Variants in ARHGAP28 observed in about 807,000 individuals in gnomAD.
The protein encoded by ARHGAP28 is rho GTPase-activating protein 28.
In ARHGAP28, 56 loss-of-function variants were observed where a neutral mutation model predicts 90.7. The observed-to-expected ratio is 0.62, with a 90% confidence interval of 0.50 to 0.77. The LOEUF is 0.77. ARHGAP28 is among the 30% of genes least tolerant of loss of function. ARHGAP28 has a pLI of 0.00. For synonymous variants in ARHGAP28, 308 were observed against 323.3 expected, an observed-to-expected ratio of 0.95 and a Z score of 0.51; for missense variants, 869 against 900.9, an observed-to-expected ratio of 0.96 and a Z score of 0.45.
chr18:6,887,493 C>T (rs570325195), intron 12 of ARHGAP28, among the ~76,000 whole-genome samples: 3 of 150,232 alleles, frequency 2.0e-5, no homozygotes, highest in South Asian at 2.1e-4. Context: ...TGCAGTGGCA[C>T]GATCACAACT....
chr18:6,820,217 A>G (rs914192209), intron 1 of ARHGAP28, among the ~76,000 whole-genome samples: 3 of 152,234 alleles, frequency 2.0e-5, no homozygotes, highest in African/African-American at 7.2e-5. Flanking sequence ...GTCAACAGAG[A>G]AACTGAATCT....
In ARHGAP28 at chr18:6,873,562, G is replaced by A; in HGVS notation, c.1108G>A (p.Val370Ile). 1 of 1,613,450 alleles carries A rather than the reference G, an allele frequency of 6.2e-7. No individual in the cohort carries two copies. Among genetic ancestry groups the A allele is most frequent in the South Asian group, 1.1e-5 (1 of 90,776 alleles). ...ACTGAAAAGGAACAAAACAGAGAAAGTAAAAGGACGAGGTAACTAAGAAGA... is the reference window on the plus strand; with the variant it reads ...ACTGAAAAGGAACAAAACAGAGAAAATAAAAGGACGAGGTAACTAAGAAGA... ...IQLKRNKTEK[V>I]KGRDNGIFGV... The change falls in exon 8 of 18, where the codon GTA (valine) becomes ATA (isoleucine). Residue 370 changes from valine (V) to isoleucine (I), a missense_variant. Val to Ile is a conservative substitution (Grantham distance 29). Coordinates refer to ENST00000383472, the MANE Select transcript of ARHGAP28 (RefSeq NM_001366230.1).
chr18:6,890,339 A>G (rs914810801), intron 13 of ARHGAP28, 91 bp from the exon 14 acceptor site: 53 of 835,018 alleles, frequency 6.3e-5, no homozygotes, highest in Non-Finnish European at 9.7e-5. Flanking sequence ...ATACCGAGTG[A>G]CTGGGAGGAG....
chr18:6,877,128 AT>A (rs1159812815), intron 10 of ARHGAP28, among the ~76,000 whole-genome samples: 3 of 152,242 alleles, frequency 2.0e-5, no homozygotes, highest in Non-Finnish European at 4.4e-5. Flanking sequence ...TCATTAATTC[AT>A]TTTGGTACAT....
At chr18:6,900,713 C>T (rs891134139) in intron 16 of ARHGAP28, among the ~76,000 whole-genome samples, 1 of 151,796 alleles carries the variant, frequency 6.6e-6, no homozygotes, top group Non-Finnish European at 1.5e-5. Context: ...CAATCAGCGT[C>T]CCAAAAGGAA....
chr18:6,740,833 A>C (rs1355539937), intron 1 of ARHGAP28, among the ~76,000 whole-genome samples: 1 of 152,310 alleles, frequency 6.6e-6, no homozygotes, highest in South Asian at 2.1e-4. Flanking sequence ...AAGTATGGAA[A>C]AGTGTCTTGC....
chr18:6,855,469 CCAGGG>C (rs1454005808), intron 4 of ARHGAP28, among the ~76,000 whole-genome samples: 2 of 152,198 alleles, frequency 1.3e-5, no homozygotes, highest in Non-Finnish European at 2.9e-5. Flanking sequence ...GAGCTACCCA[CCAGGG>C]GTCTCCTAAG....
intron 2 of ARHGAP28, among the ~76,000 whole-genome samples, chr18:6,831,103 C>T (rs2056711597): frequency 6.6e-6 from 1 of 152,166 alleles, no homozygotes; most frequent in South Asian, 2.1e-4. Context: ...TTGATGCTTT[C>T]AGTCTCCATC....
At chr18:6,866,810 G>A (rs2057041390) in intron 5 of ARHGAP28, among the ~76,000 whole-genome samples, 2 of 152,086 alleles carry the variant, frequency 1.3e-5, no homozygotes, top group African/African-American at 4.8e-5. Context: ...ACACTCAGTA[G>A]GTTTAAGTAT....
intron 5 of ARHGAP28, among the ~76,000 whole-genome samples, chr18:6,865,966 TG>T (rs1449224019): frequency 6.6e-6 from 1 of 152,064 alleles, no homozygotes; most frequent in East Asian, 1.9e-4. Flanking sequence ...TTGCTTTAAA[TG>T]GGGGTGGTCT....
At chr18:6,797,415 T>C (rs2056449097) in intron 1 of ARHGAP28, among the ~76,000 whole-genome samples, 1 of 152,188 alleles carries the variant, frequency 6.6e-6, no homozygotes, top group Non-Finnish European at 1.5e-5. Context: ...GAGGCTAGAA[T>C]TGTCCTGGCA....
intron 5 of ARHGAP28, among the ~76,000 whole-genome samples, chr18:6,861,267 C>T (rs2056996237): frequency 6.6e-6 from 1 of 152,172 alleles, no homozygotes; most frequent in Non-Finnish European, 1.5e-5. Context: ...TCTCTGAGAC[C>T]TGTGAATTTC....
chr18:6,802,335 CTTTTTTTTTTTT>C (rs35950139), intron 1 of ARHGAP28, among the ~76,000 whole-genome samples: 4 of 52,754 alleles, frequency 7.6e-5, no homozygotes, highest in Non-Finnish European at 1.1e-4. Flanking sequence ...TATGGTAGTT[CTTTTTTTTTTTT>C]TTTTTTTTTT....
intron 1 of ARHGAP28, among the ~76,000 whole-genome samples, chr18:6,737,945 C>T (rs1166217454): frequency 6.6e-6 from 1 of 152,154 alleles, no homozygotes; most frequent in East Asian, 1.9e-4. Flanking sequence ...GCAGTTAGTG[C>T]CATGTAATTC....
At position 6,909,098 on chromosome 18, in the gene ARHGAP28, A is replaced by G. The variant is rs1445017152; in HGVS notation, c.2095+74A>G. On this transcript the variant is annotated intron_variant, in intron 17 of 17. Coordinates refer to ENST00000383472, the MANE Select transcript of ARHGAP28 (RefSeq NM_001366230.1). ...AAAGAAATATGTTGCTATAATCATA[A>G]AGGTATGTTTTATGAATTTCTCAGA... is the stretch of plus-strand genomic sequence containing the variant. 19 of 906,660 alleles carry G rather than the reference A, an allele frequency of 2.1e-5. No homozygotes were observed. The Admixed American group carries it at 4.4e-4, about 21-fold the overall frequency. 56.2% of individuals were successfully genotyped at this position (906,660 alleles called of 1,614,324 possible).
At chr18:6,890,576 A>G in intron 14 of ARHGAP28, 33 bp downstream of exon 14, 1 of 1,409,006 alleles carries the variant, frequency 7.1e-7, no homozygotes, top group East Asian at 2.3e-5. Context: ...GCGATTGTCC[A>G]CTGCCTAGAT....
chr18:6,857,254 CA>C (rs774741793), intron 4 of ARHGAP28, among the ~76,000 whole-genome samples: 7 of 152,116 alleles, frequency 4.6e-5, no homozygotes, highest in Non-Finnish European at 8.8e-5. Flanking sequence ...GCAGAAACAA[CA>C]ACAAAAAATC....
At chr18:6,817,561 G>C (rs553840622) in intron 1 of ARHGAP28, among the ~76,000 whole-genome samples, 2 of 152,288 alleles carry the variant, frequency 1.3e-5, no homozygotes, top group African/African-American at 4.8e-5. Context: ...ATGAGAGTAG[G>C]TTTTAAAAAT....
intron 16 of ARHGAP28, chr18:6,896,987 A>G (rs896145001): frequency 5.9e-6 from 1 of 169,114 alleles, no homozygotes; most frequent in East Asian, 1.7e-4. Context: ...ATCTTGGCTC[A>G]CTGCACCCTC....
Sources: gnomAD v4.1 joint callset for allele counts (sites outside exome capture counted in the v4.1 genomes callset) on GRCh38, gnomAD v4.1.1 for gene constraint, MANE v1.5 for transcripts, NCBI Gene and HGNC (gene_info 2026-07-23, HGNC 2026-07-21) for gene names.